The following PAM variants were observed in gnomAD, a reference collection of about 807,000 sequenced individuals.
PAM encodes peptidylglycine alpha-amidating monooxygenase, also known as peptidyl-glycine alpha-amidating monooxygenase.
PAM carries 72 observed loss-of-function variants against 122.1 expected under a neutral mutation model. The observed-to-expected ratio is 0.59, with a 90% CI of 0.49 to 0.72. The LOEUF (loss-of-function observed/expected upper bound fraction) is 0.72, where lower values mean the gene tolerates loss of function less well. Ranked by LOEUF, PAM falls within the 30% of genes least tolerant of loss-of-function variation. The probability of loss-of-function intolerance (pLI) is 0.00; values close to 1 mark genes in which losing one functional copy is unlikely to be tolerated. For synonymous variants in PAM, 389 were observed against 404.4 expected, an observed-to-expected ratio of 0.96 and a Z score of 0.46; for missense variants, 1,106 against 1,183.7, an observed-to-expected ratio of 0.93 and a Z score of 0.96.
At chr5:103,021,632 CA>C (rs1783578660) in intron 23 of PAM, among the ~76,000 whole-genome samples, 1 of 152,170 alleles carries the variant, frequency 6.6e-6, no homozygotes, top group South Asian at 2.1e-4. Flanking sequence ...CTTGCCTTGA[CA>C]GTCCAGTTTT....
chr5:102,981,990 A>T (rs1359024559), intron 15 of PAM, among the ~76,000 whole-genome samples: 1 of 152,138 alleles, frequency 6.6e-6, no homozygotes, highest in Admixed American at 6.5e-5. Flanking sequence ...TCCCATGGAC[A>T]TACACCATCA....
Position 102,794,433 on chromosome 5 carries a change from TGAG to T in PAM, c.-374+39089_-374+39091del, listed in dbSNP as rs536323221. Among the ~76,000 whole-genome samples the T allele has an allele frequency of 2.2e-3, 340 of 152,308 alleles. 1 individual carries two copies. The highest frequency in any genetic ancestry group is 7.7e-3 in the African/African-American group (320 of 41,586). ...AAGCATTTTATAGGAAGTGACTAGA[TGAG>T]GAGATTTTTTTCATTCCTTTTTTAA... On this transcript the variant is annotated intron_variant, in intron 1 of 25. Coordinates refer to ENST00000438793, the MANE Select transcript of PAM (RefSeq NM_001177306.2).
At chr5:102,902,614 C>T (rs1798306344) in intron 4 of PAM, among the ~76,000 whole-genome samples, 1 of 151,462 alleles carries the variant, frequency 6.6e-6, no homozygotes, top group African/African-American at 2.4e-5. Flanking sequence ...TTAGAACATA[C>T]ATTCATAATT....
intron 3 of PAM, among the ~76,000 whole-genome samples, chr5:102,894,724 C>T (rs111361611): frequency 5.3e-5 from 8 of 151,806 alleles, no homozygotes; most frequent in African/African-American, 1.9e-4. Context: ...CAAACCTGGT[C>T]ATCCGTGTTT....
intron 16 of PAM, among the ~76,000 whole-genome samples, chr5:102,995,293 C>T (rs1306445023): frequency 6.6e-6 from 1 of 152,122 alleles, no homozygotes; most frequent in Admixed American, 6.6e-5. Context: ...TTTCTCATAT[C>T]GCAATTTCAC....
chr5:102,811,031 T>C (rs1406798065), intron 1 of PAM, among the ~76,000 whole-genome samples: 1 of 152,176 alleles, frequency 6.6e-6, no homozygotes, highest in African/African-American at 2.4e-5. Context: ...TGCCCACCCT[T>C]CTACAGGCCA....
chr5:102,886,560 C>T (rs531007517), intron 3 of PAM, among the ~76,000 whole-genome samples: 3 of 151,940 alleles, frequency 2.0e-5, no homozygotes, highest in South Asian at 2.1e-4. Context: ...TTACAGAATA[C>T]GTATTCTTTC....
At chr5:102,802,063 G>T (rs749414737) in intron 1 of PAM, among the ~76,000 whole-genome samples, 1 of 152,030 alleles carries the variant, frequency 6.6e-6, no homozygotes, top group Admixed American at 6.5e-5. Context: ...GATTACAGGC[G>T]TGAGCCACCG....
chr5:103,007,165 TCACACACACACACACACACATATACATA>T (rs1298874330), intron 19 of PAM, among the ~76,000 whole-genome samples, 154 bp downstream of exon 19: 1 of 140,750 alleles, frequency 7.1e-6, no homozygotes, highest in South Asian at 2.2e-4. Flanking sequence ...AGCTTGTCTC[TCACACACACACACACACACATATACATA>T]CACACACACA....
chr5:102,765,276 A>G (rs1296329986), intron 1 of PAM, among the ~76,000 whole-genome samples: 1 of 152,250 alleles, frequency 6.6e-6, no homozygotes, highest in South Asian at 2.1e-4. Context: ...ACATTGGCCA[A>G]AACAGTCAAC....
At chr5:102,903,854 T>C (rs934444313) in intron 4 of PAM, among the ~76,000 whole-genome samples, 12 of 151,588 alleles carry the variant, frequency 7.9e-5, no homozygotes, top group Non-Finnish European at 1.8e-4. Flanking sequence ...AGCACCGTTC[T>C]TTCTTCCTCA....
intron 5 of PAM, among the ~76,000 whole-genome samples, chr5:102,917,417 A>C (rs1255859781): frequency 6.6e-6 from 1 of 152,204 alleles, no homozygotes; most frequent in Admixed American, 6.5e-5. Context: ...GAAGACTCCT[A>C]AACTTTCACA....
Position 102,820,190 on chromosome 5 carries a change from T to G in PAM, c.-373-45633T>G, listed in dbSNP as rs1771334176. 2.0e-5 allele frequency among the ~76,000 whole-genome samples: 3 copies of G among 152,278 alleles called. No homozygotes were observed. The South Asian group carries it at 6.2e-4, about 32-fold the overall frequency. The stretch of plus-strand genomic sequence containing the variant: ...AAAGTTTCTAAATAAATTGAGCTGA[T>G]GGGGCATTTTGTTTTTAGTGAGATT... On this transcript the variant is annotated intron_variant, in intron 1 of 25. Transcript: ENST00000438793.
intron 3 of PAM, among the ~76,000 whole-genome samples, chr5:102,897,413 T>C (rs76874054): frequency 5.3e-5 from 8 of 151,694 alleles, no homozygotes; most frequent in African/African-American, 1.9e-4. Flanking sequence ...ATTTATGGTG[T>C]ACATCATGCT....
Position 103,028,192 on chromosome 5 carries a change from A to G in PAM, c.2697A>G (p.Glu899=). The G allele has an allele frequency of 6.2e-7, 1 of 1,612,612 alleles. No homozygotes were observed. The highest frequency in any genetic ancestry group is 8.5e-7 in the Non-Finnish European group (1 of 1,178,808). ...GCCATCTTTTTTTAGCAGATTCTGAACACAAACTCGAGACGAGTTCAGGAA... is the reference window on the plus strand; with the variant it reads ...GCCATCTTTTTTTAGCAGATTCTGAGCACAAACTCGAGACGAGTTCAGGAA... The part of the protein sequence containing the change: ...WKKSRAFGDS[E]HKLETSSGRV... Residue 899 remains glutamate, a synonymous_variant, in exon 25 of 26, where the codon GAA becomes GAG. Coordinates refer to ENST00000438793, the MANE Select transcript of PAM (RefSeq NM_001177306.2).
intron 14 of PAM, among the ~76,000 whole-genome samples, chr5:102,966,619 G>A (rs900655329): frequency 6.6e-6 from 1 of 152,060 alleles, no homozygotes; most frequent in Non-Finnish European, 1.5e-5. Context: ...TTAACCCGAA[G>A]GGAAAATCAG....
chr5:102,999,725 G>A (rs1041998109), intron 16 of PAM, among the ~76,000 whole-genome samples: 4 of 152,320 alleles, frequency 2.6e-5, no homozygotes, highest in Admixed American at 6.5e-5. Context: ...CCAAGGCTTG[G>A]GGCTTGCACC....
intron 1 of PAM, among the ~76,000 whole-genome samples, chr5:102,838,902 A>G (rs1379240419): frequency 1.3e-5 from 2 of 152,202 alleles, no homozygotes; most frequent in Non-Finnish European, 2.9e-5. Flanking sequence ...TAAATACAGA[A>G]TCAGAGATCT....
chr5:103,019,721 C>A, intron 22 of PAM, 69 bp from the exon 23 acceptor site: 1 of 1,014,326 alleles, frequency 9.9e-7, no homozygotes, highest in Non-Finnish European at 1.6e-6. Flanking sequence ...AAATTAATAT[C>A]AAAGTTAAAT....
Sources: allele counts gnomAD v4.1 joint callset (sites outside exome capture counted in the v4.1 genomes callset), GRCh38; gene constraint gnomAD v4.1.1; transcripts MANE v1.5; gene names NCBI Gene and HGNC (gene_info 2026-07-23, HGNC 2026-07-21).